Variants in DAPK2 observed in about 807,000 individuals in gnomAD.
DAPK2 encodes death-associated protein kinase 2.
A neutral mutation model predicts 44.1 loss-of-function variants in DAPK2; 35 were observed. That is an observed-to-expected ratio of 0.79 (90% CI 0.61 to 1.05). The LOEUF is 1.05. Among genes scored for constraint, DAPK2 ranks in the 50% least tolerant of loss-of-function variants. The pLI, the probability that DAPK2 is intolerant of heterozygous loss-of-function variation, is 0.00. For missense variants in DAPK2, 453 were observed against 483.2 expected (o/e 0.94, Z 0.59); for synonymous variants, 174 against 182.6 (o/e 0.95, Z 0.38).
At chr15:64,019,826 C>T (rs2079633519) in intron 1 of DAPK2, among the ~76,000 whole-genome samples, 1 of 152,208 alleles carries the variant, frequency 6.6e-6, no homozygotes, top group Admixed American at 6.5e-5. Context: ...TGCCCCCAAA[C>T]AACTTATTTA....
chr15:63,982,400 A>AG (rs1040207213), intron 2 of DAPK2, among the ~76,000 whole-genome samples: 1 of 152,036 alleles, frequency 6.6e-6, no homozygotes, highest in African/African-American at 2.4e-5. Flanking sequence ...CATGTTAGCC[A>AG]GGCTGGTCTC....
chr15:64,018,371 A>T (rs2079591202), intron 1 of DAPK2, among the ~76,000 whole-genome samples: 1 of 152,182 alleles, frequency 6.6e-6, no homozygotes, highest in Non-Finnish European at 1.5e-5. Flanking sequence ...CTACTAACCC[A>T]GCGAAAAAGC....
At chr15:63,944,199 G>A (rs4776268) in intron 3 of DAPK2, among the ~76,000 whole-genome samples, 72,833 of 151,892 alleles carry the variant, frequency 0.48, 18,649 homozygotes, top group East Asian at 0.92. Flanking sequence ...GTGGCCGTGG[G>A]GCAGTAGGAA....
intron 4 of DAPK2, among the ~76,000 whole-genome samples, chr15:63,930,702 G>C (rs1043337494): frequency 6.6e-6 from 1 of 152,120 alleles, no homozygotes; most frequent in African/African-American, 2.4e-5. Context: ...AAGAAGTAGA[G>C]TCTTTAGGAG....
In DAPK2 at chr15:63,980,377, C is replaced by A. The variant is rs1479028861; in HGVS notation, c.314+3156G>T. On this transcript the variant is annotated intron_variant, in intron 2 of 10. Coordinates refer to ENST00000261891, the Ensembl canonical transcript of DAPK2. The surrounding 1 kb of genome is among the most constrained non-coding windows in gnomAD (Gnocchi z 4.3). ...CATGCCAATTATAGTAAGAAAGTAT[C>A]AATTTATAGCTATAAAGATCAATAA... 6.6e-6 allele frequency among the ~76,000 whole-genome samples: 1 copy of A among 152,204 alleles called. No homozygotes were observed. Among genetic ancestry groups the A allele is most frequent in the African/African-American group, 2.4e-5 (1 of 41,452 alleles).
chr15:63,932,625 GGAA>G (rs1466061356), intron 4 of DAPK2: 2 of 151,992 alleles, frequency 1.3e-5, no homozygotes, highest in Non-Finnish European at 2.9e-5. Context: ...TTGAGAAGGA[GGAA>G]GGACTGAGCC....
rs187428450 is a variant in DAPK2, at chr15:63,989,707, G to A, written c.93-5953C>T. On this transcript the variant is annotated intron_variant, in intron 1 of 10. Transcript: ENST00000261891. ...CATACACACACACATACATACACAC[G>A]CACATACATAGTCTCGCTCTGTTGC... Among the ~76,000 whole-genome samples the A allele has an allele frequency of 6.7e-4, 102 of 151,852 alleles. 1 individual carries two copies. The highest frequency in any genetic ancestry group is 2.3e-3 in the African/African-American group (95 of 41,384).
intron 3 of DAPK2, among the ~76,000 whole-genome samples, chr15:63,956,467 G>C (rs2077725441): frequency 6.6e-6 from 1 of 151,222 alleles, no homozygotes; most frequent in African/African-American, 2.4e-5. Flanking sequence ...ATAGCCCACT[G>C]GTCATTCAGA....
At chr15:63,996,622 A>G (rs1331623560) in intron 1 of DAPK2, among the ~76,000 whole-genome samples, 1 of 152,176 alleles carries the variant, frequency 6.6e-6, no homozygotes, top group African/African-American at 2.4e-5. Flanking sequence ...AGCAAGAGGA[A>G]TCATAAGTGG....
rs1334951937 is a variant in DAPK2 at position 64,020,091 on chromosome 15, T to C, written c.92+20079A>G. Reference sequence around the variant, plus strand: ...ATAAGCCATGGCTCTAGATGAGTGATTCCTGCCCCAGCTGAGTAGACAGCC... The same window carrying C: ...ATAAGCCATGGCTCTAGATGAGTGACTCCTGCCCCAGCTGAGTAGACAGCC... On this transcript the variant is annotated intron_variant, in intron 1 of 10. Transcript: ENST00000261891. The surrounding 1 kb of genome is among the most constrained non-coding windows in gnomAD (Gnocchi z 4.5). 3.9e-5 allele frequency among the ~76,000 whole-genome samples: 6 copies of C among 152,180 alleles called. No homozygotes were observed.
Position 64,046,303 on chromosome 15 carries a change from G to T in DAPK2, c.-12C>A. 1 of 972,754 alleles carries T rather than the reference G, an allele frequency of 1.0e-6. No homozygotes were observed. Among genetic ancestry groups the T allele is most frequent in the Non-Finnish European group, 1.2e-6 (1 of 822,866 alleles). The allele number at this position is 972,754 out of a possible 1,614,324, so 60.3% of individuals were successfully genotyped here. On this transcript the variant is annotated 5_prime_UTR_variant, in exon 1 of 12. Coordinates refer to the DAPK2 transcript ENST00000457488. The surrounding 1 kb of genome is among the most constrained non-coding windows in gnomAD (Gnocchi z 5.3). ...CGCAGACGGGTGCTACTCACGGCGG[G>T]AGGCTGAGCTGCCGCGGTCGCGGCC...
upstream of DAPK2, among the ~76,000 whole-genome samples, chr15:64,043,394 C>A (rs149215470): frequency 3.2e-4 from 48 of 152,352 alleles, no homozygotes; most frequent in African/African-American, 1.1e-3. Context: ...AATTGAGGTA[C>A]TATATACCCA....
At chr15:63,947,633 T>C (rs2077483274) in intron 3 of DAPK2, among the ~76,000 whole-genome samples, 1 of 152,158 alleles carries the variant, frequency 6.6e-6, no homozygotes, top group African/African-American at 2.4e-5. Context: ...GGAATAACAA[T>C]CATAAAACCT....
exon 2 of DAPK2, chr15:63,983,592 A>C: frequency 6.2e-7 from 1 of 1,614,080 alleles, no homozygotes; most frequent in Non-Finnish European, 8.5e-7. Context: ...GCGTGATGAC[A>C]TTGTGGTGCA....
intron 3 of DAPK2, among the ~76,000 whole-genome samples, chr15:63,946,276 A>G (rs2077447982): frequency 6.6e-6 from 1 of 152,254 alleles, no homozygotes; most frequent in East Asian, 1.9e-4. Flanking sequence ...TGGGGCACCC[A>G]TGGCCTGTGG....
chr15:63,975,470 A>C (rs2078317700), intron 2 of DAPK2, among the ~76,000 whole-genome samples: 1 of 152,168 alleles, frequency 6.6e-6, no homozygotes, highest in South Asian at 2.1e-4. Flanking sequence ...ACACTTTAAG[A>C]AACAAAGGCT....
chr15:63,994,637 T>G (rs11631973), intron 1 of DAPK2, among the ~76,000 whole-genome samples: 29,614 of 147,030 alleles, frequency 0.2, 3,073 homozygotes, highest in South Asian at 0.24. Flanking sequence ...TCGCCCAGGC[T>G]GGAGTGCAAT....
At chr15:64,036,738 G>C (rs2080222576) in intron 1 of DAPK2, among the ~76,000 whole-genome samples, 1 of 150,054 alleles carries the variant, frequency 6.7e-6, no homozygotes, top group Non-Finnish European at 1.5e-5. Context: ...AGAGGGCCCT[G>C]AGTCTACACT....
At chr15:63,915,308 T>C (rs1045748545) in intron 8 of DAPK2, among the ~76,000 whole-genome samples, 3 of 152,232 alleles carry the variant, frequency 2.0e-5, no homozygotes, top group African/African-American at 7.2e-5. Flanking sequence ...TCCAAGCTCC[T>C]AGAATCTCGT....
Sources: gnomAD v4.1 joint callset for allele counts (sites outside exome capture counted in the v4.1 genomes callset) on GRCh38, gnomAD v4.1.1 for gene constraint, Gnocchi (gnomAD v3.1) non-coding constraint, MANE v1.5 for transcripts, NCBI Gene and HGNC (gene_info 2026-07-23, HGNC 2026-07-21) for gene names.